CEP112: variants seen among roughly 807,000 people sequenced by gnomAD.
CEP112 encodes centrosomal protein 112, also known as centrosomal protein of 112 kDa.
A neutral mutation model predicts 153.0 loss-of-function variants in CEP112; 127 were observed. The observed-to-expected ratio is 0.83, with a 90% CI of 0.72 to 0.96. The LOEUF (loss-of-function observed/expected upper bound fraction) is 0.96. Among genes scored for constraint, CEP112 ranks in the 40% least tolerant of loss-of-function variants. The pLI, the probability that CEP112 is intolerant of heterozygous loss-of-function variation, is 0.00. For missense variants in CEP112, 1,089 were observed against 1,101.2 expected, an observed-to-expected ratio of 0.99 and a Z score of 0.16; for synonymous variants, 358 against 374.4, an observed-to-expected ratio of 0.96 and a Z score of 0.51.
At chr17:66,102,751 T>A (rs961654618) in intron 6 of CEP112, among the ~76,000 whole-genome samples, 5 of 136,270 alleles carry the variant, frequency 3.7e-5, no homozygotes, top group African/African-American at 1.4e-4. Context: ...TGAGCCGAGA[T>A]AACCCACTGC....
At chr17:65,721,440 C>T (rs148496916) in intron 23 of CEP112, among the ~76,000 whole-genome samples, 1,605 of 152,266 alleles carry the variant, frequency 0.011, 34 homozygotes, top group African/African-American at 0.037. Flanking sequence ...CATAGTTTGG[C>T]AAAGGTTGAA....
chr17:65,658,564 T>C lies in CEP112; in HGVS notation c.2698-17499A>G, dbSNP rs78901736. On this transcript the variant is annotated intron_variant, in intron 24 of 26. Transcript: ENST00000535342. The stretch of plus-strand genomic sequence containing the variant: ...GGTGTAAGCAGGACACAAGGTATGT[T>C]TGGGGGTTTGCATTTACTTAGTTTG... 5.8e-3 allele frequency among the ~76,000 whole-genome samples: 888 copies of C among 152,062 alleles called. 9 individuals are homozygous for C. Among genetic ancestry groups the C allele is most frequent in the African/African-American group, 0.02 (835 of 41,484 alleles).
At chr17:65,746,879 G>A (rs1306215984) in intron 22 of CEP112, among the ~76,000 whole-genome samples, 1 of 152,080 alleles carries the variant, frequency 6.6e-6, no homozygotes, top group East Asian at 1.9e-4. Flanking sequence ...TGTTTATACT[G>A]TATTAGTTTC....
At chr17:65,691,707 AC>A (rs1392733429) in intron 23 of CEP112, among the ~76,000 whole-genome samples, 2 of 151,604 alleles carry the variant, frequency 1.3e-5, no homozygotes, top group African/African-American at 4.9e-5. Flanking sequence ...CCTTTCCCCC[AC>A]CCCCTACTTT....
At chr17:66,060,371 T>C (rs1485725304) in intron 11 of CEP112, among the ~76,000 whole-genome samples, 2 of 152,244 alleles carry the variant, frequency 1.3e-5, no homozygotes, top group East Asian at 3.9e-4. Context: ...TATCAAAATA[T>C]CAATGACATT....
At chr17:66,033,855 AG>A (rs1455554046) in intron 12 of CEP112, among the ~76,000 whole-genome samples, 2 of 152,190 alleles carry the variant, frequency 1.3e-5, no homozygotes, top group Non-Finnish European at 2.9e-5. Flanking sequence ...AGCTTGTAGT[AG>A]GTATTCAATA....
intron 23 of CEP112, among the ~76,000 whole-genome samples, chr17:65,712,234 T>A (rs1445677358): frequency 6.6e-6 from 1 of 152,140 alleles, no homozygotes; most frequent in Non-Finnish European, 1.5e-5. Context: ...TGAGATGCCA[T>A]AAGTAAGGAA....
chr17:66,029,066 G>C, intron 14 of CEP112, 57 bp downstream of exon 14: 1 of 1,360,724 alleles, frequency 7.3e-7, no homozygotes, highest in South Asian at 1.3e-5. Context: ...GCTATCTATG[G>C]CTCTAGGCTT....
intron 11 of CEP112, among the ~76,000 whole-genome samples, chr17:66,057,430 A>AT (rs1398045808): frequency 2.6e-5 from 4 of 152,148 alleles, no homozygotes; most frequent in Non-Finnish European, 5.9e-5. Context: ...GGTATTCTCC[A>AT]TGGGATAGGG....
chr17:65,993,956 T>C lies in CEP112; in HGVS notation c.1736+11734A>G, dbSNP rs182362025. Among the ~76,000 whole-genome samples the C allele has an allele frequency of 2.8e-4, 42 of 151,082 alleles. No homozygotes were observed. In the East Asian group the frequency reaches 8.0e-3, roughly 29 times the overall value. ...TTTTGGTATGTATGTTATACTTCAG[T>C]AGAAAGTTATAAAAACCATGAGACT... On this transcript the variant is annotated intron_variant, in intron 17 of 26. Transcript: ENST00000535342.
intron 24 of CEP112, chr17:65,655,521 G>A (rs1947875102): frequency 3.5e-6 from 2 of 563,758 alleles, no homozygotes; most frequent in Non-Finnish European, 3.1e-6. Flanking sequence ...TTGTAAAATT[G>A]GGTTGAGAGG....
At chr17:66,181,624 G>C (rs1002035581) in intron 2 of CEP112, among the ~76,000 whole-genome samples, 1 of 152,016 alleles carries the variant, frequency 6.6e-6, no homozygotes, top group African/African-American at 2.4e-5. Context: ...CAAAGTACTC[G>C]GATTACAGGC....
At chr17:66,005,007 G>T (rs1399534744) in intron 17 of CEP112, among the ~76,000 whole-genome samples, 1 of 152,034 alleles carries the variant, frequency 6.6e-6, no homozygotes, top group Non-Finnish European at 1.5e-5. Flanking sequence ...TCTCCAACTA[G>T]ACTATATGGT....
At chr17:66,178,545 A>C (rs117775253) in intron 2 of CEP112, among the ~76,000 whole-genome samples, 5,193 of 152,138 alleles carry the variant, frequency 0.034, 132 homozygotes, top group Middle Eastern at 0.061. Flanking sequence ...TCCTTTGCAG[A>C]AGCTTTTTAA....
intron 6 of CEP112, among the ~76,000 whole-genome samples, chr17:66,120,821 T>C (rs2069542584): frequency 6.6e-6 from 1 of 151,858 alleles, no homozygotes; most frequent in African/African-American, 2.4e-5. Context: ...GTTTCACTGA[T>C]TTTCATTATT....
At chr17:65,805,710 T>C (rs1453582199) in intron 21 of CEP112, among the ~76,000 whole-genome samples, 1 of 152,232 alleles carries the variant, frequency 6.6e-6, no homozygotes, top group African/African-American at 2.4e-5. Flanking sequence ...CTTCCTTTTA[T>C]TTGGCTTGAA....
chr17:65,676,429 T>C (rs1047498059), intron 24 of CEP112, among the ~76,000 whole-genome samples: 1 of 151,684 alleles, frequency 6.6e-6, no homozygotes, highest in Admixed American at 6.6e-5. Flanking sequence ...GATATCTTCA[T>C]AGAAAATGTA....
intron 21 of CEP112, among the ~76,000 whole-genome samples, chr17:65,797,559 C>T (rs571793329): frequency 1.3e-5 from 2 of 152,314 alleles, no homozygotes; most frequent in Admixed American, 1.3e-4. Flanking sequence ...AAATGTCTTG[C>T]TTTTCCTGTA....
At chr17:66,136,492 T>A (rs1487251761) in intron 4 of CEP112, among the ~76,000 whole-genome samples, 1 of 150,588 alleles carries the variant, frequency 6.6e-6, no homozygotes, top group East Asian at 2.0e-4. Context: ...TCAGCACAAT[T>A]AGAAAAACTC....
Sources: gnomAD v4.1 joint callset for allele counts (sites outside exome capture counted in the v4.1 genomes callset) on GRCh38, gnomAD v4.1.1 for gene constraint, MANE v1.5 for transcripts, NCBI Gene and HGNC (gene_info 2026-07-23, HGNC 2026-07-21) for gene names.